Variants in DACH2 observed in about 807,000 individuals in gnomAD.
The protein encoded by DACH2 is dachshund family transcription factor 2.
A neutral mutation model predicts 35.8 loss-of-function variants in DACH2; 17 were observed. The ratio of observed to expected loss-of-function variants is 0.48; its 90% CI spans 0.33 to 0.71. The LOEUF (loss-of-function observed/expected upper bound fraction) is 0.71. DACH2 is among the 30% of genes least tolerant of loss of function. The pLI is 0.02. For synonymous variants in DACH2, 195 were observed against 177.3 expected (o/e 1.10, Z -0.79); for missense variants, 469 against 472.7 (o/e 0.99, Z 0.07).
At chrX:86,450,511 T>G (rs1450336868) in intron 2 of DACH2, among the ~76,000 whole-genome samples, 1 of 111,549 alleles carries the variant, frequency 9.0e-6, no homozygotes, top group Non-Finnish European at 1.9e-5. Context: ...TTTGCTATTG[T>G]GAATAGTGCT....
intron 5 of DACH2, among the ~76,000 whole-genome samples, chrX:86,698,514 G>GTTTTTTTTT (rs1345238527): frequency 0.022 from 748 of 34,241 alleles, 58 homozygotes; most frequent in Non-Finnish European, 0.032. Flanking sequence ...TGTTTTGTTA[G>GTTTTTTTTT]TTTTGTGTTT....
chrX:86,534,823 A>G (rs2148292362), intron 3 of DACH2, among the ~76,000 whole-genome samples: 1 of 111,525 alleles, frequency 9.0e-6, no homozygotes, highest in East Asian at 2.8e-4. Flanking sequence ...TTTGCTGTTC[A>G]CTTCAATTTA....
At chrX:86,499,869 G>C (rs1239011262) in intron 2 of DACH2, among the ~76,000 whole-genome samples, 2 of 111,706 alleles carry the variant, frequency 1.8e-5, no homozygotes, top group Non-Finnish European at 1.9e-5. Context: ...AACTGGCTGA[G>C]GGTGGAGCGG....
intron 3 of DACH2, among the ~76,000 whole-genome samples, chrX:86,632,843 T>G (rs2148389618): frequency 9.0e-6 from 1 of 111,059 alleles, no homozygotes; most frequent in South Asian, 3.8e-4. Flanking sequence ...CTGAGAGTTC[T>G]TTGGGTCAAT....
In DACH2 at chrX:86,812,924, G is replaced by A; in HGVS notation, c.1309G>A (p.Ala437Thr). Residue 437 changes from alanine (A) to threonine (T), a missense_variant, in exon 8 of 12, where the codon GCA becomes ACA. This residue lies in a region of DACH2 where 363 missense variants were observed against 334.4 expected (regional missense o/e 1.09). Transcript: ENST00000373125. The stretch of plus-strand genomic sequence containing the variant: ...CAAGATACAGCTGACTCCTGGGCAG[G>A]CATTGCCCGCTGGATTCCCTGGACC... Reference protein sequence around the residue: ...LDKIQLTPGQALPAGFPGPFI... With the variant: ...LDKIQLTPGQTLPAGFPGPFI... 8.3e-7 allele frequency: 1 copy of A among 1,206,126 alleles called. No homozygotes were observed.
intron 2 of DACH2, among the ~76,000 whole-genome samples, chrX:86,506,480 A>G (rs908784302): frequency 9.0e-6 from 1 of 111,678 alleles, no homozygotes; most frequent in African/African-American, 3.3e-5. Context: ...TGCAACCTCA[A>G]ACTCCTAGGC....
chrX:86,493,480 A>G (rs2038123374), intron 2 of DACH2, among the ~76,000 whole-genome samples: 1 of 111,874 alleles, frequency 8.9e-6, no homozygotes, highest in Non-Finnish European at 1.9e-5. Context: ...TTATACTACT[A>G]CTACCATTAA....
chrX:86,820,086 T>C (rs984389317), intron 11 of DACH2, among the ~76,000 whole-genome samples: 4 of 111,457 alleles, frequency 3.6e-5, no homozygotes, highest in African/African-American at 1.3e-4. Context: ...GACTTTATAG[T>C]AATAAAATAA....
At chrX:86,523,581 G>C (rs1251004503) in intron 3 of DACH2, among the ~76,000 whole-genome samples, 2 of 111,378 alleles carry the variant, frequency 1.8e-5, no homozygotes, top group African/African-American at 6.5e-5. Flanking sequence ...AAGGCTTGTA[G>C]GTTAGGGTTT....
At chrX:86,674,458 G>T (rs778420972) in intron 4 of DACH2, among the ~76,000 whole-genome samples, 2 of 111,955 alleles carry the variant, frequency 1.8e-5, no homozygotes, top group Non-Finnish European at 3.8e-5. Context: ...GTTCTATCTC[G>T]AATTGATTCT....
chrX:86,412,402 A>G (rs1306985311), intron 2 of DACH2, among the ~76,000 whole-genome samples: 1 of 111,799 alleles, frequency 8.9e-6, no homozygotes, highest in African/African-American at 3.3e-5. Context: ...CAGAGCATAC[A>G]TGGCCTTCTG....
At chrX:86,668,825 G>A (rs1390761381) in intron 4 of DACH2, among the ~76,000 whole-genome samples, 1 of 111,378 alleles carries the variant, frequency 9.0e-6, no homozygotes, top group African/African-American at 3.3e-5. Flanking sequence ...TTTAATTTTA[G>A]GAAACAAGGG....
intron 11 of DACH2, chrX:86,827,836 T>A (rs956293679): frequency 2.7e-6 from 3 of 1,110,521 alleles, no homozygotes; most frequent in African/African-American, 1.8e-5. Context: ...TACCTGCTTA[T>A]CTAGTGTTGT....
At chrX:86,610,875 G>C (rs186461336) in intron 3 of DACH2, among the ~76,000 whole-genome samples, 2 of 111,291 alleles carry the variant, frequency 1.8e-5, no homozygotes, top group South Asian at 3.8e-4. Context: ...CTCAAATCAG[G>C]AACCCTAAGA....
At chrX:86,549,555 C>T (rs982444410) in intron 3 of DACH2, among the ~76,000 whole-genome samples, 5 of 109,116 alleles carry the variant, frequency 4.6e-5, no homozygotes, top group Admixed American at 9.8e-5. Flanking sequence ...GTATAAGTTA[C>T]GAATACTATT....
intron 3 of DACH2, among the ~76,000 whole-genome samples, chrX:86,613,896 A>C (rs1349350383): frequency 8.9e-6 from 1 of 111,930 alleles, no homozygotes; most frequent in South Asian, 3.6e-4. Context: ...GCATATTTCT[A>C]TGTAACTCTC....
rs200536610 is a variant in DACH2 at position 86,545,806 on chromosome X, TA to T, written c.640+31416del. On this transcript the variant is annotated intron_variant, in intron 3 of 11. Coordinates refer to ENST00000373125, the MANE Select transcript of DACH2 (RefSeq NM_053281.3). The stretch of plus-strand genomic sequence containing the variant: ...GGTTGATTATATTACATAATATTTT[TA>T]TACCTGAGAAATACAGGCTGTTTTA... Among the ~76,000 whole-genome samples the T allele has an allele frequency of 9.5e-3, 1,060 of 112,032 alleles. 18 individuals carry two copies. The highest frequency in any genetic ancestry group is 0.033 in the African/African-American group (1,015 of 30,857).
In DACH2 at chrX:86,797,744, G is replaced by T. The variant is rs1373200427; in HGVS notation, c.1241-15112G>T. On this transcript the variant is annotated intron_variant, in intron 7 of 11. Transcript: ENST00000373125. ...ATAAAACAGCAACTTCAAATATTCA[G>T]AAGGGTGTCACACAGAGAATGAAAG... Among the ~76,000 whole-genome samples the T allele has an allele frequency of 2.7e-5, 3 of 111,822 alleles. No individual in the cohort carries two copies. In the East Asian group the frequency reaches 8.4e-4, roughly 31 times the overall value.
At chrX:86,185,992 C>A (rs899292971) in intron 1 of DACH2, among the ~76,000 whole-genome samples, 3 of 112,309 alleles carry the variant, frequency 2.7e-5, no homozygotes, top group Non-Finnish European at 5.6e-5. Context: ...CCTCACAAAA[C>A]CTTACAAGTT....
Sources: gnomAD v4.1 joint callset for allele counts (sites outside exome capture counted in the v4.1 genomes callset) on GRCh38, gnomAD v4.1.1 for gene constraint, gnomAD v4.1.1 regional missense constraint, MANE v1.5 for transcripts, NCBI Gene and HGNC (gene_info 2026-07-23, HGNC 2026-07-21) for gene names.